The following PDGFRA variants were observed in gnomAD, a reference collection of about 807,000 sequenced individuals.
PDGFRA encodes the protein platelet-derived growth factor receptor alpha.
Under a neutral mutation model 121.5 loss-of-function variants are expected in PDGFRA, and 25 were observed. The observed-to-expected ratio is 0.21, with a 90% confidence interval of 0.15 to 0.29. The LOEUF (loss-of-function observed/expected upper bound fraction) is 0.29. PDGFRA is among the 10% of genes least tolerant of loss of function. The pLI is 1.00. For synonymous variants in PDGFRA, 463 were observed against 494.8 expected (o/e 0.94, Z 0.85); for missense variants, 1,008 against 1,345.1 (o/e 0.75, Z 3.92).
At chr4:54,257,224 G>A (rs1242309293) in intron 1 of PDGFRA, among the ~76,000 whole-genome samples, 1 of 152,150 alleles carries the variant, frequency 6.6e-6, no homozygotes, top group Non-Finnish European at 1.5e-5. Flanking sequence ...ATGACAGGAA[G>A]TTACCCTATA....
intron 1 of PDGFRA, 141 bp from the exon 2 acceptor site, chr4:54,258,616 G>C: frequency 1.4e-6 from 1 of 719,582 alleles, no homozygotes; most frequent in Non-Finnish European, 2.5e-6. Context: ...CTTACTGTTT[G>C]AACCTTGAAT....
At chr4:54,248,604 A>AT (rs1275673060) in intron 1 of PDGFRA, among the ~76,000 whole-genome samples, 1 of 152,244 alleles carries the variant, frequency 6.6e-6, no homozygotes, top group Non-Finnish European at 1.5e-5. Context: ...ACCTAAAACC[A>AT]TAAAAACCCT....
chr4:54,283,238 G>A (rs550817637), intron 16 of PDGFRA, among the ~76,000 whole-genome samples: 2 of 152,216 alleles, frequency 1.3e-5, no homozygotes, highest in South Asian at 4.2e-4. Flanking sequence ...CTCTGTGAGG[G>A]CTCCAATCCT....
At chr4:54,268,287 C>A (rs1723151525) in intron 7 of PDGFRA, among the ~76,000 whole-genome samples, 2 of 152,162 alleles carry the variant, frequency 1.3e-5, no homozygotes, top group South Asian at 2.1e-4. Flanking sequence ...GTAGATTGCT[C>A]TCATCTCTTA....
chr4:54,289,153 C>A, intron 21 of PDGFRA, 39 bp downstream of exon 21: 1 of 1,185,996 alleles, frequency 8.4e-7, no homozygotes, highest in Non-Finnish European at 1.3e-6. Flanking sequence ...CTGGATAAAG[C>A]TGGAAGTTAT....
rs770129304 is a variant in PDGFRA at position 54,273,694 on chromosome 4, G to A, written c.1522G>A (p.Gly508Arg). The A allele has an allele frequency of 2.5e-5, 40 of 1,613,832 alleles. No homozygotes were observed. Among genetic ancestry groups the A allele is most frequent in the Admixed American group, 3.3e-5 (2 of 60,002 alleles). ...GCGATGCCTGGCTAAGAATCTCCTT[G>A]GAGCTGAGAACCGAGAGCTGAAGCT... ...AVRCLAKNLL[G>R]AENRELKLVA... The change falls in exon 10 of 23, where the codon GGA becomes AGA. Residue 508 changes from glycine (G) to arginine (R), a missense_variant. Physicochemically the swap from Gly to Arg is moderately radical, Grantham distance 125. Transcript: ENST00000257290.
rs34392012 is a variant in PDGFRA at position 54,280,449 on chromosome 4, C to A, written c.2290C>A (p.Arg764Ser). The change falls in exon 16 of 23, where the codon CGT becomes AGT. Residue 764 changes from arginine to serine, a missense_variant. Physicochemically the swap from Arg to Ser is moderately radical, Grantham distance 110. Coordinates refer to ENST00000257290, the MANE Select transcript of PDGFRA (RefSeq NM_006206.6). ...CGACATCCAGAGATCACTCTATGAT[C>A]GTCCAGCCTCATATAAGAAGAAATC... ...YSDIQRSLYD[R>S]PASYKKKSML... is the part of the protein sequence containing the mutation. 1 of 1,613,692 alleles carries A rather than the reference C, an allele frequency of 6.2e-7. No individual in the cohort carries two copies. Among genetic ancestry groups the A allele is most frequent in the Non-Finnish European group, 8.5e-7 (1 of 1,179,628 alleles).
intron 1 of PDGFRA, among the ~76,000 whole-genome samples, chr4:54,236,772 C>T (rs1721039384): frequency 6.6e-6 from 1 of 151,752 alleles, no homozygotes; most frequent in African/African-American, 2.4e-5. Context: ...CACTGCACTC[C>T]AGCCCAGGCG....
At chr4:54,270,773 A>G in intron 8 of PDGFRA, 25 bp downstream of exon 8, 1 of 1,253,498 alleles carries the variant, frequency 8.0e-7, no homozygotes, top group Non-Finnish European at 1.2e-6. Context: ...TATAAAGATA[A>G]TGCTAGCTCT....
chr4:54,288,925 C>T (rs766160189), intron 20 of PDGFRA, 27 bp downstream of exon 20: 19 of 1,556,088 alleles, frequency 1.2e-5, no homozygotes, highest in African/African-American at 2.7e-5. Context: ...TCCCGGGGGC[C>T]TGTGTTCACA....
chr4:54,257,630 G>C (rs1334973694), intron 1 of PDGFRA, among the ~76,000 whole-genome samples: 1 of 152,154 alleles, frequency 6.6e-6, no homozygotes, highest in East Asian at 1.9e-4. Context: ...CAATACCTGG[G>C]TACTTACTGG....
At chr4:54,254,253 C>T (rs1356386957) in intron 1 of PDGFRA, among the ~76,000 whole-genome samples, 1 of 152,198 alleles carries the variant, frequency 6.6e-6, no homozygotes, top group Non-Finnish European at 1.5e-5. Context: ...AGTAAACTGT[C>T]TGAGTTATAG....
chr4:54,242,820 T>C (rs1721380594), intron 1 of PDGFRA, among the ~76,000 whole-genome samples: 1 of 152,180 alleles, frequency 6.6e-6, no homozygotes, highest in African/African-American at 2.4e-5. Flanking sequence ...GGGAGAAACC[T>C]CTGTTTTCCT....
chr4:54,288,598 C>T (rs549391362), intron 19 of PDGFRA, among the ~76,000 whole-genome samples: 241 of 152,226 alleles, frequency 1.6e-3, no homozygotes, highest in Non-Finnish European at 2.8e-3. Flanking sequence ...TTGGACTTGA[C>T]CAACCTGGAG....
chr4:54,245,565 A>G (rs1465468445), intron 1 of PDGFRA, among the ~76,000 whole-genome samples: 3 of 152,192 alleles, frequency 2.0e-5, no homozygotes, highest in African/African-American at 7.2e-5. Context: ...TGAAGGAAGC[A>G]CTAAACATGG....
At chr4:54,263,317 GTC>G (rs1012450762) in intron 3 of PDGFRA, among the ~76,000 whole-genome samples, 2 of 152,012 alleles carry the variant, frequency 1.3e-5, no homozygotes, top group African/African-American at 4.8e-5. Context: ...TAGAGACAGG[GTC>G]TCTCTATGTT....
At position 54,284,553 on chromosome 4, in the gene PDGFRA, TGAGAGAGAGACAGA is replaced by T. The variant is rs1389728125; in HGVS notation, c.2324-807_2324-794del. Among the ~76,000 whole-genome samples, 375 of 72,804 alleles carry T rather than the reference TGAGAGAGAGACAGA, an allele frequency of 5.2e-3. 4 individuals carry two copies. The highest frequency in any genetic ancestry group is 0.019 in the Middle Eastern group (3 of 154). The allele number at this position is 72,804 out of a possible 152,430, so 47.8% of individuals were successfully genotyped here. On this transcript the variant is annotated intron_variant, in intron 16 of 22. Coordinates refer to ENST00000257290, the MANE Select transcript of PDGFRA (RefSeq NM_006206.6). ...ATCACATGGCCAGAGCAGGAGCAAGTGAGAGAGAGACAGAGAGAGAGAGAGAGAGAGAGAGAGAG... is the reference window on the plus strand; with the variant it reads ...ATCACATGGCCAGAGCAGGAGCAAGTGAGAGAGAGAGAGAGAGAGAGAGAG...
At chr4:54,279,092 C>T (rs1434775567) in intron 15 of PDGFRA, 2 of 299,302 alleles carry the variant, frequency 6.7e-6, no homozygotes, top group Admixed American at 8.1e-5. Flanking sequence ...AGCCACATGG[C>T]CACACGGCTC....
intron 16 of PDGFRA, among the ~76,000 whole-genome samples, chr4:54,284,040 C>A (rs745505230): frequency 6.6e-6 from 1 of 152,236 alleles, no homozygotes; most frequent in Non-Finnish European, 1.5e-5. Flanking sequence ...TATCCTAGGT[C>A]ATCACTCTCA....
Sources: gnomAD v4.1 joint callset for allele counts (sites outside exome capture counted in the v4.1 genomes callset) on GRCh38, gnomAD v4.1.1 for gene constraint, MANE v1.5 for transcripts, NCBI Gene and HGNC (gene_info 2026-07-23, HGNC 2026-07-21) for gene names.